The following MON2 variants were observed in gnomAD, a reference collection of about 807,000 sequenced individuals.
MON2 encodes MON2 regulator of endosome-to-Golgi trafficking.
In MON2, 84 loss-of-function variants were observed where a neutral mutation model predicts 208.6. That is an observed-to-expected ratio of 0.40 (90% CI 0.34 to 0.48). The LOEUF is 0.48. Among genes scored for constraint, MON2 ranks in the 20% least tolerant of loss-of-function variants. The pLI is 0.59. For synonymous variants in MON2, 660 were observed against 694.0 expected, an observed-to-expected ratio of 0.95 and a Z score of 0.77; for missense variants, 1,611 against 2,015.4, an observed-to-expected ratio of 0.80 and a Z score of 3.84.
At chr12:62,474,332 G>A (rs916482295) in intron 1 of MON2, among the ~76,000 whole-genome samples, 1 of 152,034 alleles carries the variant, frequency 6.6e-6, no homozygotes, top group Non-Finnish European at 1.5e-5. Context: ...TGGCCAGGCT[G>A]GTCTCGAACT....
chr12:62,506,484 C>T (rs1275754285), intron 7 of MON2, among the ~76,000 whole-genome samples: 4 of 152,180 alleles, frequency 2.6e-5, no homozygotes, highest in South Asian at 2.1e-4. Context: ...GTAATCACAG[C>T]GCTTTGGGAG....
intron 8 of MON2, among the ~76,000 whole-genome samples, chr12:62,520,542 A>G (rs1237703800): frequency 6.6e-6 from 1 of 152,178 alleles, no homozygotes; most frequent in African/African-American, 2.4e-5. Context: ...AGACTAGCTC[A>G]GTTCACAGCT....
rs1168754914 is a variant in MON2 at position 62,555,932 on chromosome 12, C to T, written c.3211-62C>T. 24 of 1,230,358 alleles carry T rather than the reference C, an allele frequency of 2.0e-5. 1 individual carries two copies. Among genetic ancestry groups the T allele is most frequent in the East Asian group, 1.8e-4 (7 of 39,366 alleles). The allele number at this position is 1,230,358 out of a possible 1,614,324, so 76.2% of individuals were successfully genotyped here. A position where few individuals can be genotyped will look rare whatever the true frequency, so the allele number is the denominator to read the frequency against. On this transcript the variant is annotated intron_variant, in intron 24 of 34. Coordinates refer to ENST00000393630, the MANE Select transcript of MON2 (RefSeq NM_015026.3). Reference sequence around the variant, plus strand: ...TTTGTAGATTCTTATGCTGTTGCTCCTATGCTATTACTTAAGCTATATTAT... The same window carrying T: ...TTTGTAGATTCTTATGCTGTTGCTCTTATGCTATTACTTAAGCTATATTAT...
chr12:62,532,354 T>C, intron 11 of MON2, 84 bp from the exon 12 acceptor site: 3 of 991,748 alleles, frequency 3.0e-6, no homozygotes, highest in South Asian at 3.1e-5. Flanking sequence ...TTAATTTCTA[T>C]AGTCTGTAAA....
At chr12:62,577,585 TAGG>T in intron 30 of MON2, among the ~76,000 whole-genome samples, 1 of 152,060 alleles carries the variant, frequency 6.6e-6, no homozygotes, top group Non-Finnish European at 1.5e-5. Flanking sequence ...CAGATAAATC[TAGG>T]TTGAGATTGT....
chr12:62,475,411 A>C (rs1386029810), intron 1 of MON2, among the ~76,000 whole-genome samples: 20 of 150,914 alleles, frequency 1.3e-4, no homozygotes, highest in African/African-American at 9.8e-5. Flanking sequence ...TAATTTTTGT[A>C]TTTTTGGTAG....
In MON2 at chr12:62,493,916, A is replaced by C; in HGVS notation, c.177A>C (p.Ala59=). 1 of 1,571,158 alleles carries C rather than the reference A, an allele frequency of 6.4e-7. No homozygotes were observed. Among genetic ancestry groups the C allele is most frequent in the South Asian group, 1.2e-5 (1 of 83,518 alleles). ...IAARNTEILA[A]LKENSSEVVQ... Reference sequence around the variant, plus strand: ...ACTTTATATGTGTTCTAAATGAAGCACTGAAAGAGAACAGCTCAGAGGTTG... The same window carrying C: ...ACTTTATATGTGTTCTAAATGAAGCCCTGAAAGAGAACAGCTCAGAGGTTG... Residue 59 remains alanine, a splice_region_variant and synonymous_variant, in exon 3 of 35, where the codon GCA becomes GCC. Coordinates refer to ENST00000393630, the MANE Select transcript of MON2 (RefSeq NM_015026.3).
chr12:62,501,490 T>A, intron 6 of MON2, 83 bp from the exon 7 acceptor site: 1 of 1,498,760 alleles, frequency 6.7e-7, no homozygotes, highest in Non-Finnish European at 9.1e-7. Flanking sequence ...AGAAGATAGA[T>A]TTTTTTTAAA....
At chr12:62,551,535 A>T (rs2073745404) in intron 23 of MON2, among the ~76,000 whole-genome samples, 1 of 152,218 alleles carries the variant, frequency 6.6e-6, no homozygotes. Context: ...AAAAGTTTGA[A>T]ATATTACAAG....
chr12:62,561,245 G>C (rs866236956), intron 26 of MON2, 132 bp downstream of exon 26: 71 of 685,678 alleles, frequency 1.0e-4, no homozygotes, highest in South Asian at 3.1e-4. Flanking sequence ...GATAAACTGA[G>C]GATTGTCAAG....
chr12:62,579,684 C>T (rs2074933721), intron 31 of MON2, among the ~76,000 whole-genome samples: 1 of 152,176 alleles, frequency 6.6e-6, no homozygotes, highest in African/African-American at 2.4e-5. Context: ...CGAGATCACG[C>T]CACTGCACTG....
chr12:62,510,318 A>T (rs1334877666), intron 8 of MON2, among the ~76,000 whole-genome samples: 1 of 152,162 alleles, frequency 6.6e-6, no homozygotes, highest in Non-Finnish European at 1.5e-5. Context: ...CCAAAGCCAG[A>T]CAAAAATACT....
intron 8 of MON2, among the ~76,000 whole-genome samples, chr12:62,523,192 T>C (rs945572552): frequency 1.3e-5 from 2 of 152,174 alleles, no homozygotes; most frequent in Admixed American, 1.3e-4. Context: ...GGGTCTTTCT[T>C]TCTCAGTTCT....
intron 8 of MON2, among the ~76,000 whole-genome samples, chr12:62,517,146 T>G (rs2071740690): frequency 6.6e-6 from 1 of 152,178 alleles, no homozygotes; most frequent in South Asian, 2.1e-4. Flanking sequence ...TTAGCAGGGC[T>G]GTCTTAGAAG....
rs142632686 is a variant in MON2 at position 62,530,850 on chromosome 12, A to G, written c.1401-1588A>G. Among the ~76,000 whole-genome samples, 344 of 152,276 alleles carry G rather than the reference A, an allele frequency of 2.3e-3. 5 individuals are homozygous for G. Among genetic ancestry groups the G allele is most frequent in the African/African-American group, 7.5e-3 (311 of 41,544 alleles). Reference sequence around the variant, plus strand: ...AGCAACTATATCATTTTACATTCCTACCAACAATGTGTGAGGAGGGTTCAG... The same window carrying G: ...AGCAACTATATCATTTTACATTCCTGCCAACAATGTGTGAGGAGGGTTCAG... On this transcript the variant is annotated intron_variant, in intron 11 of 34. Coordinates refer to ENST00000393630, the MANE Select transcript of MON2 (RefSeq NM_015026.3).
intron 30 of MON2, among the ~76,000 whole-genome samples, chr12:62,576,852 A>T (rs537452417): frequency 6.6e-6 from 1 of 151,956 alleles, no homozygotes; most frequent in Admixed American, 6.6e-5. Flanking sequence ...TTTCTGATAT[A>T]TGATCCAAAT....
rs896354501 is a variant in MON2 at position 62,599,209 on chromosome 12, C to T, written c.*6460C>T. The T allele has an allele frequency of 2.0e-5, 3 of 151,982 alleles. No homozygotes were observed. Among genetic ancestry groups the T allele is most frequent in the Non-Finnish European group, 4.4e-5 (3 of 67,984 alleles). The allele number at this position is 151,982 out of a possible 1,614,324, so 9.4% of individuals were successfully genotyped here. The stretch of plus-strand genomic sequence containing the variant: ...ATGAAAAAATAATAAACAGAAGACA[C>T]GAAGTGTCTCTCAATAGTTTAGAAA... On this transcript the variant is annotated 3_prime_UTR_variant, in exon 35 of 35. Coordinates refer to ENST00000393630, the MANE Select transcript of MON2 (RefSeq NM_015026.3).
At position 62,537,215 on chromosome 12, in the gene MON2, TGTGGCA is replaced by T; in HGVS notation, c.1970_1975del (p.Ala657_Val658del). On this transcript the variant is annotated inframe_deletion, in exon 15 of 35. Transcript: ENST00000393630. ...CATCAAGTGAATCTCACCAACAAGT[TGTGGCA>T]GTGGGTCAACCTTTAGCAGTCCAGC... The T allele has an allele frequency of 6.2e-7, 1 of 1,613,590 alleles. No homozygotes were observed. Among genetic ancestry groups the T allele is most frequent in the Admixed American group, 1.7e-5 (1 of 59,998 alleles).
At chr12:62,479,526 AG>A (rs1318468839) in intron 1 of MON2, among the ~76,000 whole-genome samples, 1 of 148,936 alleles carries the variant, frequency 6.7e-6, no homozygotes, top group Non-Finnish European at 1.5e-5. Context: ...GGTATTACAC[AG>A]GAAGAGTTTA....
Sources: gnomAD v4.1 joint callset for allele counts (sites outside exome capture counted in the v4.1 genomes callset) on GRCh38, gnomAD v4.1.1 for gene constraint, MANE v1.5 for transcripts, NCBI Gene and HGNC (gene_info 2026-07-23, HGNC 2026-07-21) for gene names.